BSPH1: variants seen among roughly 807,000 people sequenced by gnomAD.
BSPH1 encodes the protein binder of sperm 1.
Under a neutral mutation model 22.5 loss-of-function variants are expected in BSPH1, and 21 were observed. The observed-to-expected ratio is 0.93, with a 90% CI of 0.66 to 1.35. BSPH1 has a LOEUF of 1.35. BSPH1 is among the 40% of genes most tolerant of loss of function. The pLI, the probability that BSPH1 is intolerant of heterozygous loss-of-function variation, is 0.00. For synonymous variants in BSPH1, 42 were observed against 53.6 expected (o/e 0.78, Z 0.95); for missense variants, 141 against 154.2 (o/e 0.91, Z 0.45).
intron 5 of BSPH1, among the ~76,000 whole-genome samples, chr19:47,974,477 CT>C (rs1380418988): frequency 3.3e-5 from 5 of 151,894 alleles, no homozygotes; most frequent in Non-Finnish European, 4.4e-5. Flanking sequence ...GCCGTGTTGG[CT>C]GGCCTGGTCT....
chr19:47,985,854 G>T (rs1327183432), intron 1 of BSPH1, among the ~76,000 whole-genome samples: 2 of 150,554 alleles, frequency 1.3e-5, no homozygotes, highest in Admixed American at 6.6e-5. Flanking sequence ...AAAAGGAAAA[G>T]AATAAGTGAA....
intron 1 of BSPH1, among the ~76,000 whole-genome samples, chr19:47,984,186 A>T (rs1216120612): frequency 3.4e-5 from 5 of 146,882 alleles, no homozygotes; most frequent in East Asian, 3.9e-4. Context: ...ATATAATATA[A>T]ATATATATAA....
At chr19:47,978,001 G>GATGT (rs1555731510) in intron 3 of BSPH1, among the ~76,000 whole-genome samples, 1 of 110,458 alleles carries the variant, frequency 9.1e-6, no homozygotes, top group Non-Finnish European at 1.9e-5. Flanking sequence ...GTTAATACAG[G>GATGT]ATATATATAT....
In BSPH1 at chr19:47,977,428, C is replaced by A; in HGVS notation, c.201G>T (p.Lys67Asn). The A allele has an allele frequency of 7.7e-6, 12 of 1,552,146 alleles. No homozygotes were observed. Among genetic ancestry groups the A allele is most frequent in the Non-Finnish European group, 1.0e-5 (12 of 1,147,092 alleles). The stretch of plus-strand genomic sequence containing the variant: ...CGTAGGTCTTGTTTAACGAGCACCA[C>A]TTGTGTCTTGCCTTGGACTTGATGC... ...YDCIKSKARH[K>N]WCSLNKTYEG... is the part of the protein sequence containing the mutation. The change falls in exon 4 of 6, where the codon AAG becomes AAT. Residue 67 changes from lysine to asparagine, a missense_variant. By Grantham distance (94) the Lys-to-Asn change is moderately conservative. Transcript: ENST00000344839.
At chr19:47,977,563 C>T (rs1452461778) in intron 3 of BSPH1, 59 bp from the exon 4 acceptor site, 7 of 1,533,632 alleles carry the variant, frequency 4.6e-6, no homozygotes, top group African/African-American at 2.8e-5. Flanking sequence ...GGTTATCAAG[C>T]GACTGTCTTC....
intron 5 of BSPH1, among the ~76,000 whole-genome samples, chr19:47,969,916 T>C (rs1372024745): frequency 1.3e-5 from 2 of 150,022 alleles, no homozygotes; most frequent in African/African-American, 2.5e-5. Flanking sequence ...TTAGAATTTA[T>C]GTTTGTGAGA....
intron 5 of BSPH1, among the ~76,000 whole-genome samples, chr19:47,975,250 C>T (rs1969350367): frequency 6.6e-6 from 1 of 152,258 alleles, no homozygotes; most frequent in African/African-American, 2.4e-5. Flanking sequence ...AGGCTAGTCT[C>T]GAACTCCAGG....
At chr19:47,970,539 G>C (rs576970899) in intron 5 of BSPH1, among the ~76,000 whole-genome samples, 1 of 152,214 alleles carries the variant, frequency 6.6e-6, no homozygotes, top group East Asian at 1.9e-4. Flanking sequence ...ACTTGATGCG[G>C]ATCGCAAGAT....
intron 5 of BSPH1, among the ~76,000 whole-genome samples, chr19:47,970,751 C>T (rs1057108628): frequency 2.6e-5 from 4 of 152,136 alleles, no homozygotes; most frequent in South Asian, 2.1e-4. Flanking sequence ...GTTCATGTGC[C>T]GTGATGTGGC....
downstream of BSPH1, among the ~76,000 whole-genome samples, chr19:47,967,853 G>A (rs1322311246): frequency 6.6e-6 from 1 of 152,268 alleles, no homozygotes; most frequent in Non-Finnish European, 1.5e-5. Flanking sequence ...TGTGTTGCTT[G>A]GAAATAGAAG....
At chr19:47,980,835 A>G (rs1332764882) in intron 2 of BSPH1, 86 bp downstream of exon 2, 4 of 703,466 alleles carry the variant, frequency 5.7e-6, no homozygotes, top group African/African-American at 5.7e-5. Flanking sequence ...ATGATTTCTT[A>G]CCAGGAAAGG....
intron 1 of BSPH1, chr19:47,981,746 A>G (rs1257756661): frequency 1.0e-6 from 1 of 977,158 alleles, no homozygotes; most frequent in East Asian, 1.1e-4. Context: ...TATTCTTGGA[A>G]TGAAGGAAAC....
intron 1 of BSPH1, among the ~76,000 whole-genome samples, chr19:47,985,123 TTATTTGGG>T (rs1490649016): frequency 4.6e-5 from 7 of 151,270 alleles, no homozygotes. Context: ...ACTATGTTCA[TTATTTGGG>T]TAATGGCTTC....
rs1202551937 is a variant in BSPH1, at chr19:47,986,486, C to T, written c.73+5523G>A. Reference sequence around the variant, plus strand: ...AGGCATGGTGATTTACGCTTGTAATCCCAGCACTTTTGGAGGCTGAGCCAG... The same window carrying T: ...AGGCATGGTGATTTACGCTTGTAATTCCAGCACTTTTGGAGGCTGAGCCAG... On this transcript the variant is annotated intron_variant, in intron 1 of 5. Coordinates refer to ENST00000344839, the MANE Select transcript of BSPH1 (RefSeq NM_001128326.2). Among the ~76,000 whole-genome samples the T allele has an allele frequency of 2.6e-5, 4 of 152,128 alleles. No homozygotes were observed. The East Asian group carries it at 7.7e-4, about 29-fold the overall frequency.
intron 1 of BSPH1, 56 bp downstream of exon 1, chr19:47,991,953 T>C (rs544124027): frequency 5.1e-6 from 6 of 1,183,416 alleles, no homozygotes; most frequent in African/African-American, 1.5e-5. Flanking sequence ...GCTCTCACTC[T>C]GCTCCAAAGT....
At chr19:47,971,542 C>T (rs1302129144) in intron 5 of BSPH1, among the ~76,000 whole-genome samples, 5 of 152,208 alleles carry the variant, frequency 3.3e-5, no homozygotes, top group Admixed American at 1.3e-4. Context: ...ATTTTATTGT[C>T]TGCACAGACT....
At chr19:47,967,636 C>T (rs567115183), downstream of BSPH1, among the ~76,000 whole-genome samples, 1 of 152,156 alleles carries the variant, frequency 6.6e-6, no homozygotes, top group South Asian at 2.1e-4. Context: ...ATAAGGACAC[C>T]AGTCATATTG....
In BSPH1 at chr19:47,969,684, G is replaced by GGGGAGA. The variant is rs1162877914; in HGVS notation, c.*3-1476_*3-1475insTCTCCC. Among the ~76,000 whole-genome samples the GGGGAGA allele has an allele frequency of 6.8e-3, 771 of 113,846 alleles. 16 individuals carry two copies. Among genetic ancestry groups the GGGGAGA allele is most frequent in the African/African-American group, 0.029 (696 of 24,178 alleles). 74.7% of individuals were successfully genotyped at this position (113,846 alleles called of 152,430 possible). Reference sequence around the variant, plus strand: ...CACTACCTGTAAGGCAGGGAGAGGGGGAGAGAGAGAGAGAGAGAGAGAGAG... The same window carrying GGGGAGA: ...CACTACCTGTAAGGCAGGGAGAGGGGGGGAGAGAGAGAGAGAGAGAGAGAGAGAGAG... On this transcript the variant is annotated intron_variant, in intron 5 of 5. Coordinates refer to ENST00000344839, the MANE Select transcript of BSPH1 (RefSeq NM_001128326.2).
At chr19:47,981,460 T>C (rs1298875710) in intron 1 of BSPH1, among the ~76,000 whole-genome samples, 1 of 152,250 alleles carries the variant, frequency 6.6e-6, no homozygotes, top group Non-Finnish European at 1.5e-5. Context: ...GGGCACTATA[T>C]TTTATTTAAC....
Sources: allele counts gnomAD v4.1 joint callset (sites outside exome capture counted in the v4.1 genomes callset), GRCh38; gene constraint gnomAD v4.1.1; transcripts MANE v1.5; gene names NCBI Gene and HGNC (gene_info 2026-07-23, HGNC 2026-07-21).